ZNF670: variants seen among roughly 807,000 people sequenced by gnomAD.
ZNF670 encodes the protein zinc finger protein 670.
In ZNF670, 7 loss-of-function variants were observed where a neutral mutation model predicts 10.9. The observed-to-expected ratio is 0.64, with a 90% CI of 0.36 to 1.20. The LOEUF (loss-of-function observed/expected upper bound fraction) is 1.20. ZNF670 is among the 50% of genes most tolerant of loss of function. ZNF670 has a pLI of 0.02. For missense variants in ZNF670, 446 were observed against 458.6 expected (o/e 0.97, Z 0.25); for synonymous variants, 136 against 152.7 (o/e 0.89, Z 0.81).
intron 1 of ZNF670, among the ~76,000 whole-genome samples, chr1:247,046,361 C>T (rs182827384): frequency 7.2e-5 from 11 of 152,284 alleles, no homozygotes; most frequent in Admixed American, 2.0e-4. Flanking sequence ...GGTACCAGGT[C>T]GAAAGCATCA....
chr1:247,078,443 G>C (rs1026168330), intron 1 of ZNF670, 151 bp downstream of exon 1: 122 of 986,188 alleles, frequency 1.2e-4, no homozygotes, highest in Middle Eastern at 6.5e-4. Context: ...CCGGGGTCTG[G>C]CTGCGGGTCC....
chr1:247,045,930 C>T (rs1350042198), intron 1 of ZNF670, among the ~76,000 whole-genome samples: 1 of 152,110 alleles, frequency 6.6e-6, no homozygotes, highest in African/African-American at 2.4e-5. Context: ...GCAAAGGTCA[C>T]CCATGTTACA....
chr1:247,072,830 ATATATATATG>A (rs1169423104), intron 1 of ZNF670, among the ~76,000 whole-genome samples: 8 of 102,414 alleles, frequency 7.8e-5, no homozygotes, highest in African/African-American at 4.0e-4. Context: ...ATATATATAT[ATATATATATG>A]CATACACACA....
At chr1:247,062,974 G>C (rs1379177096) in intron 1 of ZNF670, among the ~76,000 whole-genome samples, 3 of 152,194 alleles carry the variant, frequency 2.0e-5, no homozygotes, top group African/African-American at 7.2e-5. Context: ...GGGTGGCTGA[G>C]GATACATCAC....
intron 1 of ZNF670, among the ~76,000 whole-genome samples, chr1:247,056,623 T>TGA (rs1670720261): frequency 6.6e-6 from 1 of 152,086 alleles, no homozygotes; most frequent in Non-Finnish European, 1.5e-5. Context: ...AAAAAGAGGT[T>TGA]GAGCACGGTG....
intron 1 of ZNF670, among the ~76,000 whole-genome samples, chr1:247,052,350 G>A (rs530136663): frequency 6.6e-6 from 1 of 152,256 alleles, no homozygotes; most frequent in Admixed American, 6.5e-5. Context: ...GGCAGTGACT[G>A]TTATGGCTCT....
At chr1:247,052,435 T>C (rs1200490941) in intron 1 of ZNF670, among the ~76,000 whole-genome samples, 2 of 152,158 alleles carry the variant, frequency 1.3e-5, no homozygotes, top group African/African-American at 4.8e-5. Context: ...AGTCCTGTGA[T>C]GTGATCTCTT....
intron 1 of ZNF670, among the ~76,000 whole-genome samples, chr1:247,072,840 G>A (rs12073974): frequency 0.42 from 19,403 of 46,576 alleles, 2,469 homozygotes; most frequent in Middle Eastern, 0.54. Flanking sequence ...ATATATATAT[G>A]CATACACACA....
At chr1:247,055,655 G>A (rs1318192907) in intron 1 of ZNF670, among the ~76,000 whole-genome samples, 1 of 152,038 alleles carries the variant, frequency 6.6e-6, no homozygotes, top group East Asian at 1.9e-4. Context: ...AATACCACCA[G>A]GAAAAATCAC....
At chr1:247,039,368 TTG>T (rs753656652) in intron 2 of ZNF670, 41 bp downstream of exon 2, 8 of 1,591,160 alleles carry the variant, frequency 5.0e-6, no homozygotes, top group Non-Finnish European at 6.8e-6. Flanking sequence ...GCCAAAACAC[TTG>T]CGTTGTAATC....
chr1:247,075,699 G>A (rs74482184), intron 1 of ZNF670, among the ~76,000 whole-genome samples: 1,675 of 152,240 alleles, frequency 0.011, 25 homozygotes, highest in African/African-American at 0.039. Flanking sequence ...GTTGCCTTCC[G>A]CATGATTGTC....
chr1:247,041,743 C>A (rs1670315907), intron 1 of ZNF670, among the ~76,000 whole-genome samples: 1 of 152,230 alleles, frequency 6.6e-6, no homozygotes, highest in South Asian at 2.1e-4. Context: ...GCCCTCACAT[C>A]AGAATCATTA....
intron 1 of ZNF670, among the ~76,000 whole-genome samples, chr1:247,070,389 T>C (rs999635775): frequency 1.3e-5 from 2 of 152,084 alleles, no homozygotes; most frequent in Non-Finnish European, 2.9e-5. Flanking sequence ...GAGAATGGCA[T>C]GAACCCGGGA....
chr1:247,075,583 C>A (rs186804638), intron 1 of ZNF670, among the ~76,000 whole-genome samples: 1 of 152,078 alleles, frequency 6.6e-6, no homozygotes, highest in Non-Finnish European at 1.5e-5. Context: ...CTGGTGATAG[C>A]GAATACGTTT....
rs148919185 is a variant in ZNF670 at position 247,062,570 on chromosome 1, C to T, written c.3+16024G>A. ...TGACTGGAACACAGTTATGCTGAAA[C>T]GTCGTCAGGCCATCCTGACATGTGG... On this transcript the variant is annotated intron_variant, in intron 1 of 3. Coordinates refer to ENST00000366503, the MANE Select transcript of ZNF670 (RefSeq NM_033213.5). Among the ~76,000 whole-genome samples the T allele has an allele frequency of 2.6e-3, 398 of 152,264 alleles. 4 individuals carry two copies. Among genetic ancestry groups the T allele is most frequent in the African/African-American group, 9.3e-3 (385 of 41,560 alleles).
chr1:247,061,183 A>AT (rs778969843), intron 1 of ZNF670, among the ~76,000 whole-genome samples: 15,579 of 144,074 alleles, frequency 0.11, 1,964 homozygotes, highest in African/African-American at 0.3. Context: ...TTAAAAGTAA[A>AT]TTTTTTTTTT....
chr1:247,036,224 A>T lies in ZNF670; in HGVS notation c.*1225T>A, dbSNP rs1670146508. 6.6e-6 allele frequency among the ~76,000 whole-genome samples: 1 copy of T among 152,220 alleles called. No homozygotes were observed. The highest frequency in any genetic ancestry group is 1.5e-5 in the Non-Finnish European group (1 of 68,046). On this transcript the variant is annotated 3_prime_UTR_variant, in exon 4 of 4. Transcript: ENST00000366503. ...TTTACCATGAAACAATAAATAAAAAACACAAGAAAACTTCCTGAGCCTGTT... is the reference window on the plus strand; with the variant it reads ...TTTACCATGAAACAATAAATAAAAATCACAAGAAAACTTCCTGAGCCTGTT...
intron 3 of ZNF670, 121 bp downstream of exon 3, chr1:247,038,689 C>T (rs1670227836): frequency 2.3e-6 from 2 of 863,752 alleles, no homozygotes; most frequent in Non-Finnish European, 3.5e-6. Context: ...GTATTTTTTG[C>T]TAAGACTTTT....
At chr1:247,062,788 C>T (rs887417606) in intron 1 of ZNF670, among the ~76,000 whole-genome samples, 1 of 152,200 alleles carries the variant, frequency 6.6e-6, no homozygotes, top group Non-Finnish European at 1.5e-5. Flanking sequence ...TCGGAAGACT[C>T]CCCTCAGCAC....
Sources: allele counts gnomAD v4.1 joint callset (sites outside exome capture counted in the v4.1 genomes callset), GRCh38; gene constraint gnomAD v4.1.1; transcripts MANE v1.5; gene names NCBI Gene and HGNC (gene_info 2026-07-23, HGNC 2026-07-21).